TTLL8: variants seen among roughly 807,000 people sequenced by gnomAD.
TTLL8 encodes the protein protein monoglycylase TTLL8.
A neutral mutation model predicts 77.8 loss-of-function variants in TTLL8; 65 were observed. The ratio of observed to expected loss-of-function variants is 0.84; its 90% confidence interval spans 0.68 to 1.03. The LOEUF is 1.03. Ranked by LOEUF, TTLL8 falls within the 50% of genes least tolerant of loss-of-function variation. The pLI, the probability that TTLL8 is intolerant of heterozygous loss-of-function variation, is 0.00. For synonymous variants in TTLL8, 402 were observed against 422.8 expected (o/e 0.95, Z 0.60); for missense variants, 910 against 1,004.5 (o/e 0.91, Z 1.27).
chr22:50,041,172 A>G lies in TTLL8; in HGVS notation c.921+15T>C, dbSNP rs755828882. 7 of 424,422 alleles carry G rather than the reference A, an allele frequency of 1.6e-5. No individual in the cohort carries two copies. The highest frequency in any genetic ancestry group is 3.3e-5 in the Non-Finnish European group (7 of 214,774). The allele number at this position is 424,422 out of a possible 1,614,324, so 26.3% of individuals were successfully genotyped here. ...GTGAGGCAGGTGCCCCAGTGGAGAG[A>G]CAGACAAACCCCACCTGCCTGTCTC... On this transcript the variant is annotated intron_variant, in intron 8 of 13. Transcript: ENST00000266182. The surrounding 1 kb of genome is among the most constrained non-coding windows in gnomAD (Gnocchi z 4.3).
intron 8 of TTLL8, among the ~76,000 whole-genome samples, chr22:50,036,702 G>A (rs1183110822): frequency 2.0e-5 from 3 of 151,474 alleles, no homozygotes; most frequent in East Asian, 1.9e-4. Context: ...CAATTCAAGC[G>A]ATGCTCCTGC....
Position 50,034,160 on chromosome 22 carries a change from T to C in TTLL8, c.1039+185A>G, listed in dbSNP as rs115374295. The C allele has an allele frequency of 4.8e-3, 1,936 of 403,770 alleles. 31 individuals are homozygous for C. Among genetic ancestry groups the C allele is most frequent in the African/African-American group, 0.038 (1,738 of 46,106 alleles). The allele number at this position is 403,770 out of a possible 1,614,324, so 25.0% of individuals were successfully genotyped here. A position where few individuals can be genotyped will look rare whatever the true frequency, so the allele number is the denominator to read the frequency against. On this transcript the variant is annotated intron_variant, in intron 9 of 13. Coordinates refer to ENST00000266182, the Ensembl canonical transcript of TTLL8. This position sits in a 1 kb window ranked among gnomAD's most constrained non-coding sequence, Gnocchi z 4.1. ...GATCCTGCCCTGTGATCGGAACACA[T>C]GCTGTGAAGACGCCTCCAGCTCTGC...
intron 9 of TTLL8, among the ~76,000 whole-genome samples, chr22:50,033,845 G>C (rs2061316650): frequency 6.6e-6 from 1 of 152,162 alleles, no homozygotes; most frequent in South Asian, 2.1e-4. Context: ...GACCAGCCTG[G>C]CCAACATGGT....
chr22:50,025,371 A>G (rs1385767809), intron 12 of TTLL8, among the ~76,000 whole-genome samples: 1 of 151,938 alleles, frequency 6.6e-6, no homozygotes, highest in Non-Finnish European at 1.5e-5. Context: ...TCTGACAAAT[A>G]AATACACAGA....
intron 1 of TTLL8, 63 bp from the exon 4 acceptor site, chr22:50,050,310 G>T: frequency 1.6e-6 from 2 of 1,223,822 alleles, no homozygotes; most frequent in Non-Finnish European, 2.2e-6. Flanking sequence ...GCAGATTTTG[G>T]TTGCATGGAT....
intron 11 of TTLL8, among the ~76,000 whole-genome samples, chr22:50,031,366 CCA>C (rs576551652): frequency 6.6e-4 from 101 of 152,352 alleles, no homozygotes; most frequent in African/African-American, 2.4e-3. Context: ...CCACCTCTAA[CCA>C]CAGTCAGGAC....
At chr22:50,045,384 A>G in exon 6 of TTLL8, 1 of 1,365,648 alleles carries the variant, frequency 7.3e-7, no homozygotes, top group Non-Finnish European at 9.8e-7. Context: ...GTGCGCCGGA[A>G]GTCTTCTGAA....
intron 8 of TTLL8, among the ~76,000 whole-genome samples, chr22:50,039,248 T>C (rs1421718073): frequency 1.3e-5 from 2 of 152,230 alleles, no homozygotes; most frequent in Non-Finnish European, 2.9e-5. Context: ...AATTAATGAA[T>C]TAATTAAATT....
Position 50,036,663 on chromosome 22 carries a change from G to A in TTLL8, c.922-2201C>T, listed in dbSNP as rs1167327155. 1.3e-5 allele frequency among the ~76,000 whole-genome samples: 2 copies of A among 150,460 alleles called. 1 individual carries two copies. ...CACCCAGGCTTGAGTGCAGTGGCACGATCTTGGCTCACTGCAACCTCCACC... is the reference window on the plus strand; with the variant it reads ...CACCCAGGCTTGAGTGCAGTGGCACAATCTTGGCTCACTGCAACCTCCACC... On this transcript the variant is annotated intron_variant, in intron 8 of 13. Coordinates refer to ENST00000266182, the Ensembl canonical transcript of TTLL8.
chr22:50,041,159 C>A lies in TTLL8; in HGVS notation c.921+28G>T. Reference sequence around the variant, plus strand: ...ACCAACACCAAGAGTGAGGCAGGTGCCCCAGTGGAGAGACAGACAAACCCC... The same window carrying A: ...ACCAACACCAAGAGTGAGGCAGGTGACCCAGTGGAGAGACAGACAAACCCC... On this transcript the variant is annotated intron_variant, in intron 8 of 13. Transcript: ENST00000266182. The surrounding 1 kb of genome is among the most constrained non-coding windows in gnomAD (Gnocchi z 4.3). The A allele has an allele frequency of 2.5e-6, 1 of 406,630 alleles. No individual in the cohort carries two copies. The highest frequency in any genetic ancestry group is 2.0e-5 in the South Asian group (1 of 49,000). The allele number at this position is 406,630 out of a possible 1,614,324, so 25.2% of individuals were successfully genotyped here. A position where few individuals can be genotyped will look rare whatever the true frequency, so the allele number is the denominator to read the frequency against.
At chr22:50,038,355 C>CT (rs895632167) in intron 8 of TTLL8, among the ~76,000 whole-genome samples, 7 of 149,686 alleles carry the variant, frequency 4.7e-5, no homozygotes, top group South Asian at 2.1e-4. Context: ...TTATGCCTTA[C>CT]TTTTTTTTTT....
At chr22:50,031,707 G>A in exon 11 of TTLL8, 1 of 1,320,950 alleles carries the variant, frequency 7.6e-7, no homozygotes, top group Non-Finnish European at 1.0e-6. Context: ...GGAGCTCGAA[G>A]TTGCCGATGT....
chr22:50,030,679 C>A (rs1451508245), exon 12 of TTLL8: 3 of 1,280,820 alleles, frequency 2.3e-6, no homozygotes, highest in African/African-American at 1.5e-5. Context: ...CTTAAGGGTG[C>A]CAGCAAGGCC....
chr22:50,032,139 G>A (rs2061301005), intron 10 of TTLL8, 30 bp from the exon 12 acceptor site: 15 of 1,328,710 alleles, frequency 1.1e-5, no homozygotes, highest in Non-Finnish European at 1.4e-5. Flanking sequence ...CAGGTGCTCA[G>A]CCTCCCTTGG....
intron 12 of TTLL8, among the ~76,000 whole-genome samples, chr22:50,019,103 T>G (rs941792344): frequency 1.3e-5 from 2 of 152,248 alleles, no homozygotes; most frequent in Non-Finnish European, 2.9e-5. Flanking sequence ...AGTCGATATA[T>G]TGCCAGGTGG....
exon 12 of TTLL8, chr22:50,030,846 A>G: frequency 7.5e-7 from 1 of 1,339,606 alleles, no homozygotes; most frequent in Non-Finnish European, 9.9e-7. Flanking sequence ...GACGGGCAGC[A>G]CCTGCCTCCT....
chr22:50,045,519 C>A, intron 5 of TTLL8, 130 bp from the exon 8 acceptor site: 1 of 770,500 alleles, frequency 1.3e-6, no homozygotes, highest in South Asian at 1.6e-5. Flanking sequence ...CCCAGGCCTG[C>A]TCCCACACCC....
At chr22:50,057,153 G>T (rs1191321620), upstream of TTLL8, among the ~76,000 whole-genome samples, 1 of 97,810 alleles carries the variant, frequency 1.0e-5, no homozygotes. Flanking sequence ...TCTGAGTTGG[G>T]GTCAGGTCTG....
intron 6 of TTLL8, among the ~76,000 whole-genome samples, chr22:50,042,850 A>G (rs2061380371): frequency 6.6e-6 from 1 of 152,246 alleles, no homozygotes; most frequent in Admixed American, 6.5e-5. Flanking sequence ...GACGCTGGCG[A>G]GGATGTGGAG....
Sources: gnomAD v4.1 joint callset for allele counts (sites outside exome capture counted in the v4.1 genomes callset) on GRCh38, gnomAD v4.1.1 for gene constraint, Gnocchi (gnomAD v3.1) non-coding constraint, MANE v1.5 for transcripts, NCBI Gene and HGNC (gene_info 2026-07-23, HGNC 2026-07-21) for gene names.